Variants in SLC17A8 observed in about 807,000 individuals in gnomAD.
The protein encoded by SLC17A8 is solute carrier family 17 member 8.
In SLC17A8, 31 loss-of-function variants were observed where a neutral mutation model predicts 58.0. The ratio of observed to expected loss-of-function variants is 0.53; its 90% CI spans 0.40 to 0.72. The LOEUF is 0.72. Ranked by LOEUF, SLC17A8 falls within the 30% of genes least tolerant of loss-of-function variation. The probability of loss-of-function intolerance (pLI) is 0.00; values close to 1 mark genes in which losing one functional copy is unlikely to be tolerated. For synonymous variants in SLC17A8, 228 were observed against 249.0 expected, an observed-to-expected ratio of 0.92 and a Z score of 0.79; for missense variants, 655 against 727.8, an observed-to-expected ratio of 0.90 and a Z score of 1.15.
At chr12:100,412,155 A>G (rs1952873297) in intron 9 of SLC17A8, among the ~76,000 whole-genome samples, 1 of 152,152 alleles carries the variant, frequency 6.6e-6, no homozygotes. Flanking sequence ...CCCTCATCTC[A>G]GGAGCATCAT....
intron 1 of SLC17A8, among the ~76,000 whole-genome samples, chr12:100,360,408 C>T (rs1353352098): frequency 1.3e-5 from 2 of 152,232 alleles, no homozygotes; most frequent in East Asian, 1.9e-4. Flanking sequence ...CTATTAAAAT[C>T]CCCATGAAGA....
At chr12:100,391,271 C>A in intron 3 of SLC17A8, 152 bp downstream of exon 3, 1 of 647,406 alleles carries the variant, frequency 1.5e-6, no homozygotes, top group South Asian at 1.7e-5. Flanking sequence ...CCCAAATGAC[C>A]CTGATCTTAA....
chr12:100,388,907 A>G (rs574732978), intron 2 of SLC17A8, among the ~76,000 whole-genome samples: 3 of 152,334 alleles, frequency 2.0e-5, no homozygotes, highest in East Asian at 3.9e-4. Context: ...CAAACAGGAC[A>G]TGGCTGCTAT....
In SLC17A8 at chr12:100,380,659, A is replaced by C. The variant is rs11110358; in HGVS notation, c.102-42A>C. 0.024 allele frequency: 38,085 copies of C among 1,611,816 alleles called. 544 individuals are homozygous for C. The highest frequency in any genetic ancestry group is 0.028 in the Non-Finnish European group (32,690 of 1,179,358). On this transcript the variant is annotated intron_variant, in intron 1 of 11. Transcript: ENST00000323346. The stretch of plus-strand genomic sequence containing the variant: ...GCTTAGTATACTTTCTTTTTCCTTT[A>C]ATCCTGGCTTTTATTTTCTGCCTAT...
At chr12:100,386,532 G>A (rs977471768) in intron 2 of SLC17A8, among the ~76,000 whole-genome samples, 7 of 152,094 alleles carry the variant, frequency 4.6e-5, no homozygotes, top group South Asian at 2.1e-4. Context: ...ACTATTTTAG[G>A]TATGTCATGT....
At chr12:100,362,217 A>G (rs377263308) in intron 1 of SLC17A8, among the ~76,000 whole-genome samples, 291 of 152,092 alleles carry the variant, frequency 1.9e-3, no homozygotes, top group African/African-American at 6.5e-3. Context: ...TCCTCATGCC[A>G]GGACTAGAAG....
At position 100,402,684 on chromosome 12, in the gene SLC17A8, AT is replaced by A; in HGVS notation, c.995del (p.Leu332CysfsTer4). 1.2e-6 allele frequency: 2 copies of A among 1,614,038 alleles called. No homozygotes were observed. Among genetic ancestry groups the A allele is most frequent in the Non-Finnish European group, 1.7e-6 (2 of 1,179,982 alleles). ...AATTTTTGCAGAAGCTGGACCTTTT[AT>A]TTGCTCCTCATAAGTCAGCCTGCTT... The part of the protein sequence containing the change: ...VANFCRSWTF[Y>X]LLLISQPAYF... On this transcript the variant is annotated frameshift_variant, in exon 8 of 12. Coordinates refer to ENST00000323346, the MANE Select transcript of SLC17A8 (RefSeq NM_139319.3). LOFTEE classifies it high-confidence loss of function.
chr12:100,418,302 CCTT>C (rs1952922085), intron 11 of SLC17A8, 146 bp downstream of exon 11: 4 of 986,112 alleles, frequency 4.1e-6, no homozygotes, highest in Non-Finnish European at 6.2e-6. Context: ...TTTTTTTCTT[CCTT>C]CTTCTGATTT....
chr12:100,374,085 T>TGATA (rs1395993732), intron 1 of SLC17A8, among the ~76,000 whole-genome samples: 1 of 152,188 alleles, frequency 6.6e-6, no homozygotes. Flanking sequence ...CTCATGTATC[T>TGATA]CTGTGAGATA....
intron 10 of SLC17A8, among the ~76,000 whole-genome samples, chr12:100,413,968 C>T (rs1212919806): frequency 1.3e-5 from 2 of 151,602 alleles, no homozygotes; most frequent in African/African-American, 2.4e-5. Flanking sequence ...CAAAGCGAGA[C>T]CCCTTCTCAA....
chr12:100,377,654 T>C (rs1449147614), intron 1 of SLC17A8, among the ~76,000 whole-genome samples: 1 of 146,728 alleles, frequency 6.8e-6, no homozygotes, highest in East Asian at 2.1e-4. Flanking sequence ...AATGCCGCTA[T>C]ATCAGCTCAC....
intron 10 of SLC17A8, among the ~76,000 whole-genome samples, chr12:100,413,697 C>T (rs566425218): frequency 5.3e-5 from 8 of 152,236 alleles, no homozygotes; most frequent in South Asian, 2.1e-4. Flanking sequence ...GGTTACTGGC[C>T]GGGTGCGCTG....
chr12:100,376,567 T>C (rs1952596040), intron 1 of SLC17A8, among the ~76,000 whole-genome samples: 3 of 152,236 alleles, frequency 2.0e-5, no homozygotes, highest in Admixed American at 2.0e-4. Flanking sequence ...AATTTGTTCT[T>C]GCTTTCTGAA....
intron 5 of SLC17A8, among the ~76,000 whole-genome samples, chr12:100,396,756 A>T (rs1952757467): frequency 6.6e-6 from 1 of 152,090 alleles, no homozygotes; most frequent in Admixed American, 6.6e-5. Context: ...TCTAAAAAGA[A>T]AAAAGAAAAA....
chr12:100,371,829 G>A (rs1272181349), intron 1 of SLC17A8, among the ~76,000 whole-genome samples: 5 of 152,272 alleles, frequency 3.3e-5, no homozygotes, highest in African/African-American at 7.2e-5. Flanking sequence ...GATTACAGCC[G>A]TGAGCCACCG....
chr12:100,400,713 G>C (rs1362298106), intron 5 of SLC17A8, among the ~76,000 whole-genome samples: 1 of 152,038 alleles, frequency 6.6e-6, no homozygotes, highest in East Asian at 1.9e-4. Flanking sequence ...TCACAGCCCA[G>C]GGGGAGTTTC....
At chr12:100,375,153 C>T (rs556510725) in intron 1 of SLC17A8, among the ~76,000 whole-genome samples, 2 of 150,306 alleles carry the variant, frequency 1.3e-5, no homozygotes, top group African/African-American at 4.9e-5. Context: ...GATATGGTCT[C>T]GCTCTGTTTT....
At chr12:100,358,917 G>T (rs1490011029) in intron 1 of SLC17A8, among the ~76,000 whole-genome samples, 1 of 152,174 alleles carries the variant, frequency 6.6e-6, no homozygotes, top group Non-Finnish European at 1.5e-5. Context: ...GGAAGTGGGA[G>T]GATCGCTTGA....
chr12:100,371,765 G>A (rs948477815), intron 1 of SLC17A8, among the ~76,000 whole-genome samples: 1 of 152,136 alleles, frequency 6.6e-6, no homozygotes, highest in African/African-American at 2.4e-5. Flanking sequence ...GGCCAGGCTG[G>A]TCTTGAACTC....
Sources: allele counts gnomAD v4.1 joint callset (sites outside exome capture counted in the v4.1 genomes callset), GRCh38; gene constraint gnomAD v4.1.1; transcripts MANE v1.5; gene names NCBI Gene and HGNC (gene_info 2026-07-23, HGNC 2026-07-21).